KLHL29: variants seen among roughly 807,000 people sequenced by gnomAD.
KLHL29 encodes kelch like family member 29, also known as kelch-like protein 29.
In KLHL29, 21 loss-of-function variants were observed where a neutral mutation model predicts 80.4. The ratio of observed to expected loss-of-function variants is 0.26; its 90% CI spans 0.19 to 0.38. KLHL29 has a LOEUF of 0.38. Ranked by LOEUF, KLHL29 falls within the 10% of genes least tolerant of loss-of-function variation. The probability of loss-of-function intolerance (pLI) is 1.00; values close to 1 mark genes in which losing one functional copy is unlikely to be tolerated. For synonymous variants in KLHL29, 511 were observed against 526.8 expected (o/e 0.97, Z 0.41); for missense variants, 867 against 1,223.9 (o/e 0.71, Z 4.35).
At chr2:23,659,348 T>C (rs1210652457) in intron 5 of KLHL29, among the ~76,000 whole-genome samples, 1 of 152,224 alleles carries the variant, frequency 6.6e-6, no homozygotes, top group Non-Finnish European at 1.5e-5. Context: ...GGTATGTTCA[T>C]GACCTCCGTT....
intron 3 of KLHL29, among the ~76,000 whole-genome samples, chr2:23,572,521 A>G (rs906944348): frequency 1.2e-4 from 18 of 152,302 alleles, no homozygotes; most frequent in African/African-American, 4.3e-4. Context: ...CGTGATGCCC[A>G]GTCTATAGAG....
intron 2 of KLHL29, among the ~76,000 whole-genome samples, chr2:23,548,557 C>T (rs1157533104): frequency 6.6e-6 from 1 of 152,212 alleles, no homozygotes; most frequent in Non-Finnish European, 1.5e-5. Context: ...CAAGTGAAAA[C>T]CTTGAGAGCC....
chr2:23,603,009 C>G (rs1381382115), intron 3 of KLHL29, among the ~76,000 whole-genome samples: 3 of 152,218 alleles, frequency 2.0e-5, no homozygotes, highest in Admixed American at 6.5e-5. Flanking sequence ...CCATGAGTCA[C>G]TGAGTATGGC....
At chr2:23,428,920 C>T (rs1226646287) in intron 1 of KLHL29, among the ~76,000 whole-genome samples, 1 of 152,208 alleles carries the variant, frequency 6.6e-6, no homozygotes, top group African/African-American at 2.4e-5. Context: ...GAAAGTTCTA[C>T]ACCACATCTC....
At chr2:23,565,360 A>G (rs181576273) in intron 3 of KLHL29, among the ~76,000 whole-genome samples, 2 of 152,264 alleles carry the variant, frequency 1.3e-5, no homozygotes, top group East Asian at 3.9e-4. Context: ...CGCCGTGCCC[A>G]GCCTGAAAGG....
intron 1 of KLHL29, among the ~76,000 whole-genome samples, chr2:23,435,286 T>G (rs1483760456): frequency 6.6e-6 from 1 of 152,100 alleles, no homozygotes; most frequent in African/African-American, 2.4e-5. Context: ...CTGAGTTGTA[T>G]CTCCTCAGGA....
intron 3 of KLHL29, among the ~76,000 whole-genome samples, chr2:23,636,858 C>A (rs1669624628): frequency 6.6e-6 from 1 of 152,130 alleles, no homozygotes; most frequent in African/African-American, 2.4e-5. Flanking sequence ...CATGGGGACC[C>A]AAACTCGAGG....
Position 23,490,277 on chromosome 2 carries a change from G to A in KLHL29, c.-46+14610G>A, listed in dbSNP as rs545679313. Reference sequence around the variant, plus strand: ...GCCAATTCCTGGAAGAGTTGGGTTGGTGGTTAAAAAAAAAAAATCTGATTG... The same window carrying A: ...GCCAATTCCTGGAAGAGTTGGGTTGATGGTTAAAAAAAAAAAATCTGATTG... On this transcript the variant is annotated intron_variant, in intron 2 of 13. Transcript: ENST00000486442. 2.0e-5 allele frequency among the ~76,000 whole-genome samples: 3 copies of A among 152,094 alleles called. No homozygotes were observed. In the South Asian group the frequency reaches 6.2e-4, roughly 32 times the overall value.
chr2:23,699,677 A>G (rs116350931), intron 11 of KLHL29, among the ~76,000 whole-genome samples: 156 of 150,970 alleles, frequency 1.0e-3, no homozygotes, highest in African/African-American at 3.6e-3. Context: ...GTTCAACCCA[A>G]CCGTTTGCCT....
intron 2 of KLHL29, among the ~76,000 whole-genome samples, chr2:23,561,674 GGCTACT>G (rs1667451062): frequency 6.6e-6 from 1 of 152,190 alleles, no homozygotes; most frequent in African/African-American, 2.4e-5. Flanking sequence ...CCGCCTCACA[GGCTACT>G]GTAGGAGGAA....
At chr2:23,686,010 C>T (rs777403939) in intron 6 of KLHL29, among the ~76,000 whole-genome samples, 5 of 152,158 alleles carry the variant, frequency 3.3e-5, no homozygotes, top group Admixed American at 6.5e-5. Flanking sequence ...TTTCAGAGAC[C>T]GCACATTGAA....
rs1011190504 is a variant in KLHL29, at chr2:23,516,901, C to T, written c.-46+41234C>T. 3.9e-5 allele frequency among the ~76,000 whole-genome samples: 6 copies of T among 152,230 alleles called. No homozygotes were observed. In the South Asian group the frequency reaches 1.2e-3, roughly 31 times the overall value. ...CCAGACCCTCAGAGCAGAACCAAGTCTTGCGTGTGGTGTCCCGCCAGCCCA... is the reference window on the plus strand; with the variant it reads ...CCAGACCCTCAGAGCAGAACCAAGTTTTGCGTGTGGTGTCCCGCCAGCCCA... On this transcript the variant is annotated intron_variant, in intron 2 of 13. Transcript: ENST00000486442.
chr2:23,675,755 A>G (rs78807530), intron 5 of KLHL29, among the ~76,000 whole-genome samples: 3,406 of 152,366 alleles, frequency 0.022, 376 homozygotes, highest in Admixed American at 0.19. Flanking sequence ...TGTAGATTGC[A>G]TACGAAGCGC....
chr2:23,678,793 G>T (rs1670991699), intron 5 of KLHL29, among the ~76,000 whole-genome samples: 1 of 152,168 alleles, frequency 6.6e-6, no homozygotes, highest in Non-Finnish European at 1.5e-5. Context: ...CATTATGCTA[G>T]GTGAAATAAA....
intron 2 of KLHL29, among the ~76,000 whole-genome samples, chr2:23,553,456 C>T (rs1667179472): frequency 6.6e-6 from 1 of 152,222 alleles, no homozygotes; most frequent in African/African-American, 2.4e-5. Flanking sequence ...TTTCTGCTGC[C>T]TCAGAAGATT....
intron 2 of KLHL29, among the ~76,000 whole-genome samples, chr2:23,556,800 C>T (rs1034777715): frequency 2.2e-4 from 34 of 152,362 alleles, no homozygotes; most frequent in African/African-American, 7.9e-4. Context: ...ATTTCACCCA[C>T]GACTAGCACC....
intron 2 of KLHL29, among the ~76,000 whole-genome samples, chr2:23,513,436 C>A (rs551946654): frequency 3.9e-5 from 6 of 152,292 alleles, no homozygotes; most frequent in Non-Finnish European, 7.4e-5. Context: ...CTGAGCCACG[C>A]CCTCTGTCAG....
chr2:23,473,859 C>A (rs1664561408), intron 1 of KLHL29, among the ~76,000 whole-genome samples: 3 of 152,112 alleles, frequency 2.0e-5, no homozygotes, highest in Admixed American at 2.0e-4. Flanking sequence ...CAGTGGCTTC[C>A]TTGGTGGTCC....
At chr2:23,613,763 C>CAAAAAAAAAAAAAAAA (rs1157736706) in intron 3 of KLHL29, among the ~76,000 whole-genome samples, 19 of 63,716 alleles carry the variant, frequency 3.0e-4, no homozygotes, top group African/African-American at 7.1e-4. Context: ...GACTCCATCT[C>CAAAAAAAAAAAAAAAA]AAAAAAAAAA....
Sources: allele counts gnomAD v4.1 joint callset (sites outside exome capture counted in the v4.1 genomes callset), GRCh38; gene constraint gnomAD v4.1.1; transcripts MANE v1.5; gene names NCBI Gene and HGNC (gene_info 2026-07-23, HGNC 2026-07-21).